The following SLC6A18 variants were observed in gnomAD, a reference collection of about 807,000 sequenced individuals.
SLC6A18 encodes the protein inactive sodium-dependent neutral amino acid transporter B(0)AT3.
A neutral mutation model predicts 62.9 loss-of-function variants in SLC6A18; 58 were observed. That is an observed-to-expected ratio of 0.92 (90% CI 0.75 to 1.15). The LOEUF (loss-of-function observed/expected upper bound fraction) is 1.15, where lower values mean the gene tolerates loss of function less well. Among genes scored for constraint, SLC6A18 ranks in the 50% most tolerant of loss-of-function variants. The pLI, the probability that SLC6A18 is intolerant of heterozygous loss-of-function variation, is 0.00. For missense variants in SLC6A18, 793 were observed against 836.6 expected (o/e 0.95, Z 0.64); for synonymous variants, 382 against 365.8 (o/e 1.04, Z -0.51).
At chr5:1,230,575 C>T (rs1342010607) in intron 1 of SLC6A18, among the ~76,000 whole-genome samples, 3 of 152,202 alleles carry the variant, frequency 2.0e-5, no homozygotes, top group Non-Finnish European at 4.4e-5. Context: ...GGCTCACCTC[C>T]CACTCTAGGG....
chr5:1,244,841 G>A (rs1223500947), intron 11 of SLC6A18, 74 bp downstream of exon 11: 19 of 1,487,108 alleles, frequency 1.3e-5, no homozygotes, highest in South Asian at 6.6e-5. Context: ...GGTGCCATCC[G>A]GTGCCCGACG....
chr5:1,240,569 T>A lies in SLC6A18; in HGVS notation c.884T>A (p.Val295Asp). ...CQKDAVVIAL[V>D]NRMTSLYASI... ...AAGGATGCGGTGGTCATCGCCCTGGTCAACAGGATGACCTCCCTGTACGCG... is the reference window on the plus strand; with the variant it reads ...AAGGATGCGGTGGTCATCGCCCTGGACAACAGGATGACCTCCCTGTACGCG... Residue 295 changes from valine to aspartate, a missense_variant, in exon 7 of 12, where the codon GTC (valine) becomes GAC (aspartate). Coordinates refer to ENST00000324642, the MANE Select transcript of SLC6A18 (RefSeq NM_182632.3). 6.2e-7 allele frequency: 1 copy of A among 1,614,084 alleles called. No homozygotes were observed. Among genetic ancestry groups the A allele is most frequent in the East Asian group, 2.2e-5 (1 of 44,862 alleles).
At position 1,242,312 on chromosome 5, in the gene SLC6A18, G is replaced by A. The variant is rs529785590; in HGVS notation, c.975-395G>A. Among the ~76,000 whole-genome samples the A allele has an allele frequency of 3.9e-5, 6 of 152,252 alleles. No homozygotes were observed. In the South Asian group the frequency reaches 6.2e-4, roughly 16 times the overall value. On this transcript the variant is annotated intron_variant, in intron 7 of 11. Coordinates refer to ENST00000324642, the MANE Select transcript of SLC6A18 (RefSeq NM_182632.3). Reference sequence around the variant, plus strand: ...AGTAAACCATGCCCCTACCAGTGCCGCCCTGTCACAGCACAGACGTCCACA... The same window carrying A: ...AGTAAACCATGCCCCTACCAGTGCCACCCTGTCACAGCACAGACGTCCACA...
At chr5:1,240,965 A>C (rs1339370687) in intron 7 of SLC6A18, among the ~76,000 whole-genome samples, 1 of 152,214 alleles carries the variant, frequency 6.6e-6, no homozygotes, top group South Asian at 2.1e-4. Context: ...GGCCACGTGA[A>C]GACAGGCAGA....
At chr5:1,229,126 G>A (rs1746658420) in intron 1 of SLC6A18, among the ~76,000 whole-genome samples, 3 of 152,076 alleles carry the variant, frequency 2.0e-5, no homozygotes, top group African/African-American at 7.2e-5. Context: ...TTATGCCCAC[G>A]TGGCAGTCTA....
intron 1 of SLC6A18, among the ~76,000 whole-genome samples, chr5:1,229,996 AT>A (rs1346309104): frequency 2.8e-4 from 19 of 67,980 alleles, no homozygotes; most frequent in South Asian, 1.4e-3. Context: ...AAGGGCTATC[AT>A]GGTGCAGGCT....
intron 3 of SLC6A18, among the ~76,000 whole-genome samples, chr5:1,233,249 G>A (rs745710995): frequency 6.6e-6 from 1 of 152,188 alleles, no homozygotes; most frequent in Non-Finnish European, 1.5e-5. Flanking sequence ...AGGCCGAGGT[G>A]GGCAGATCAC....
At chr5:1,233,011 A>G in intron 3 of SLC6A18, 123 bp downstream of exon 3, 1 of 1,413,146 alleles carries the variant, frequency 7.1e-7, no homozygotes, top group Non-Finnish European at 9.4e-7. Context: ...GGGCCGGGGA[A>G]CCGGTTGCTC....
At position 1,244,082 on chromosome 5, in the gene SLC6A18, A is replaced by G. The variant is rs1747143895; in HGVS notation, c.1337-132A>G. 104 of 721,194 alleles carry G rather than the reference A, an allele frequency of 1.4e-4. No homozygotes were observed. The South Asian group carries it at 1.9e-3, about 13-fold the overall frequency. 44.7% of individuals were successfully genotyped at this position (721,194 alleles called of 1,614,324 possible). A position where few individuals can be genotyped will look rare whatever the true frequency, so the allele number is the denominator to read the frequency against. On this transcript the variant is annotated intron_variant, in intron 9 of 11. Transcript: ENST00000324642. ...GGATGGAGGGTGGGAAGCCGAGAGA[A>G]GTCTCCAGCCCAGGTGCCCTGGCCC...
chr5:1,239,455 C>G lies in SLC6A18; in HGVS notation c.738C>G (p.His246Gln). 6.2e-7 allele frequency: 1 copy of G among 1,613,324 alleles called. No homozygotes were observed. Among genetic ancestry groups the G allele is most frequent in the East Asian group, 2.2e-5 (1 of 44,888 alleles). Residue 246 changes from histidine (H) to glutamine (Q), a missense_variant, in exon 6 of 12, where the codon CAC (histidine) becomes CAG (glutamine). Transcript: ENST00000324642. ...CTCTCCCTGACTCATTCCAGATGCA[C>G]ATTCTCCAGAACCCCCGGGTGTGGC... ...GLIYLFTPNM[H>Q]ILQNPRVWLD...
At chr5:1,245,063 GCCCT>G (rs1747184201) in intron 11 of SLC6A18, among the ~76,000 whole-genome samples, 1 of 152,152 alleles carries the variant, frequency 6.6e-6, no homozygotes, top group Non-Finnish European at 1.5e-5. Flanking sequence ...ACCCCACAGG[GCCCT>G]GGAGCTCCTC....
At position 1,246,151 on chromosome 5, in the gene SLC6A18, C is replaced by T. The variant is rs1747219915; in HGVS notation, c.*73C>T. 7.4e-6 allele frequency: 11 copies of T among 1,480,520 alleles called. No homozygotes were observed. In the South Asian group the frequency reaches 9.4e-5, roughly 13 times the overall value. The allele number at this position is 1,480,520 out of a possible 1,614,324, so 91.7% of individuals were successfully genotyped here. On this transcript the variant is annotated 3_prime_UTR_variant, in exon 12 of 12. Coordinates refer to ENST00000324642, the MANE Select transcript of SLC6A18 (RefSeq NM_182632.3). Reference sequence around the variant, plus strand: ...GCCTGATGGTGGGCGGGGCCCCGCCCACAGGGCCGACCCCAATACACCAGC... The same window carrying T: ...GCCTGATGGTGGGCGGGGCCCCGCCTACAGGGCCGACCCCAATACACCAGC...
intron 1 of SLC6A18, among the ~76,000 whole-genome samples, chr5:1,230,607 C>A (rs1746707255): frequency 6.6e-6 from 1 of 152,214 alleles, no homozygotes; most frequent in Non-Finnish European, 1.5e-5. Context: ...CCGTGGCAGT[C>A]GCAGAACATT....
At chr5:1,225,717 C>G in intron 1 of SLC6A18, 80 bp downstream of exon 1, 1 of 1,458,386 alleles carries the variant, frequency 6.9e-7, no homozygotes, top group Non-Finnish European at 9.2e-7. Flanking sequence ...GCGCCTGCCA[C>G]GCATCCCCAG....
chr5:1,239,306 T>A, intron 5 of SLC6A18, 144 bp from the exon 6 acceptor site: 1 of 632,458 alleles, frequency 1.6e-6, no homozygotes. Context: ...ACCTGCGTGG[T>A]CCTACCCTGT....
chr5:1,244,644 G>A lies in SLC6A18; in HGVS notation c.1533G>A (p.Arg511=), dbSNP rs1176796718. ...ACATTGCGTGGATGACCGGGAGGCG[G>A]CCCAGCCCCTACTGGCGGCTGACCT... The part of the protein sequence containing the change: ...CDDIAWMTGR[R]PSPYWRLTWR... Residue 511 remains arginine (R), a synonymous_variant, in exon 11 of 12, where the codon CGG becomes CGA. Transcript: ENST00000324642. The A allele has an allele frequency of 1.6e-5, 26 of 1,609,570 alleles. No homozygotes were observed. Among genetic ancestry groups the A allele is most frequent in the Non-Finnish European group, 2.2e-5 (26 of 1,176,846 alleles).
At position 1,238,079 on chromosome 5, in the gene SLC6A18, A is replaced by G; in HGVS notation, c.732+19A>G. On this transcript the variant is annotated intron_variant, in intron 5 of 11. Coordinates refer to ENST00000324642, the MANE Select transcript of SLC6A18 (RefSeq NM_182632.3). ...TCCCAACGTAAGTGGGTCTTGGATCAAAGTTCAGGGCCTCCAGCACACACA... is the reference window on the plus strand; with the variant it reads ...TCCCAACGTAAGTGGGTCTTGGATCGAAGTTCAGGGCCTCCAGCACACACA... 1 of 1,576,388 alleles carries G rather than the reference A, an allele frequency of 6.3e-7. No homozygotes were observed.
chr5:1,244,169 A>AAC, intron 9 of SLC6A18, 45 bp from the exon 10 acceptor site: 6 of 602,374 alleles, frequency 1.0e-5, no homozygotes, highest in South Asian at 3.7e-5. Flanking sequence ...CCACACCTCC[A>AAC]CTCCCCATCC....
At chr5:1,235,171 G>C (rs10474948) in intron 3 of SLC6A18, among the ~76,000 whole-genome samples, 13,784 of 152,258 alleles carry the variant, frequency 0.091, 1,662 homozygotes, top group African/African-American at 0.28. Flanking sequence ...GGGATGGTGG[G>C]TGGCAGGAGG....
Sources: allele counts gnomAD v4.1 joint callset (sites outside exome capture counted in the v4.1 genomes callset), GRCh38; gene constraint gnomAD v4.1.1; transcripts MANE v1.5; gene names NCBI Gene and HGNC (gene_info 2026-07-23, HGNC 2026-07-21).